The following CTNNA2 variants were observed in gnomAD, a reference collection of about 807,000 sequenced individuals.
CTNNA2 encodes catenin alpha-2.
In CTNNA2, 42 loss-of-function variants were observed where a neutral mutation model predicts 101.0. The ratio of observed to expected loss-of-function variants is 0.42; its 90% CI spans 0.32 to 0.54. CTNNA2 has a LOEUF of 0.54. CTNNA2 is among the 20% of genes least tolerant of loss of function. The probability of loss-of-function intolerance (pLI) is 0.14; values close to 1 mark genes in which losing one functional copy is unlikely to be tolerated. For missense variants in CTNNA2, 871 were observed against 1,223.1 expected (o/e 0.71, Z 4.29); for synonymous variants, 450 against 456.4 (o/e 0.99, Z 0.18).
At chr2:79,396,803 C>A (rs1419753313) in intron 4 of CTNNA2, among the ~76,000 whole-genome samples, 1 of 152,104 alleles carries the variant, frequency 6.6e-6, no homozygotes, top group Non-Finnish European at 1.5e-5. Flanking sequence ...TCAAAACAAG[C>A]CATTAAAATT....
At chr2:79,893,119 T>G (rs556908035) in intron 6 of CTNNA2, among the ~76,000 whole-genome samples, 2 of 152,234 alleles carry the variant, frequency 1.3e-5, no homozygotes, top group African/African-American at 4.8e-5. Flanking sequence ...TGATAGGTAG[T>G]AAAAAAATAT....
chr2:80,485,141 T>A (rs998803821), intron 9 of CTNNA2, among the ~76,000 whole-genome samples: 1 of 152,192 alleles, frequency 6.6e-6, no homozygotes, highest in Non-Finnish European at 1.5e-5. Flanking sequence ...GTCCTTTAAA[T>A]CAGGCAAAGA....
intron 1 of CTNNA2, among the ~76,000 whole-genome samples, chr2:79,549,963 G>A (rs1673988905): frequency 6.6e-6 from 1 of 152,090 alleles, no homozygotes; most frequent in African/African-American, 2.4e-5. Context: ...TTATATAAGG[G>A]CCAGTAAAAT....
chr2:80,355,193 C>T (rs61214691), intron 7 of CTNNA2, among the ~76,000 whole-genome samples: 10,323 of 152,148 alleles, frequency 0.068, 899 homozygotes, highest in African/African-American at 0.2. Context: ...TTAGTAATAT[C>T]ACTGTCCAGC....
chr2:79,583,589 T>G (rs987301647), intron 1 of CTNNA2, among the ~76,000 whole-genome samples: 6 of 152,154 alleles, frequency 3.9e-5, no homozygotes, highest in African/African-American at 1.4e-4. Flanking sequence ...TTTAGCCTTA[T>G]GCAAAACCAC....
intron 7 of CTNNA2, among the ~76,000 whole-genome samples, chr2:80,322,902 G>A (rs1031687060): frequency 2.0e-4 from 30 of 152,348 alleles, no homozygotes; most frequent in East Asian, 1.9e-3. Flanking sequence ...GCCTTCCCAT[G>A]CAGTTCCCTT....
intron 7 of CTNNA2, among the ~76,000 whole-genome samples, chr2:80,006,083 A>G (rs1471515104): frequency 6.6e-6 from 1 of 152,244 alleles, no homozygotes; most frequent in South Asian, 2.1e-4. Context: ...TTGTGAATAA[A>G]GTAGGTTTAG....
chr2:79,526,540 C>T (rs1672415075), intron 1 of CTNNA2, among the ~76,000 whole-genome samples: 1 of 151,462 alleles, frequency 6.6e-6, no homozygotes, highest in South Asian at 2.1e-4. Flanking sequence ...AAAAGGTGAA[C>T]AAAGTTGGAA....
intron 7 of CTNNA2, among the ~76,000 whole-genome samples, chr2:80,225,262 G>T (rs1708813316): frequency 6.6e-6 from 1 of 152,116 alleles, no homozygotes; most frequent in South Asian, 2.1e-4. Context: ...TATTGGAAAA[G>T]CAGAGCCCGA....
At chr2:79,533,836 A>C (rs1672894024) in intron 1 of CTNNA2, among the ~76,000 whole-genome samples, 1 of 152,200 alleles carries the variant, frequency 6.6e-6, no homozygotes, top group Non-Finnish European at 1.5e-5. Context: ...AAACACAATT[A>C]AACTACACTT....
At position 79,595,132 on chromosome 2, in the gene CTNNA2, C is replaced by T. The variant is rs1410243924; in HGVS notation, c.-5-56420C>T. Among the ~76,000 whole-genome samples, 4 of 152,296 alleles carry T rather than the reference C, an allele frequency of 2.6e-5. No homozygotes were observed. In the East Asian group the frequency reaches 5.8e-4, roughly 22 times the overall value. On this transcript the variant is annotated intron_variant, in intron 1 of 18. Transcript: ENST00000402739. ...TTCACAGTTAGCCAGTTTCGACTGT[C>T]ATAACATAAGCACTTGTGGTCAACC... is the stretch of plus-strand genomic sequence containing the variant.
At chr2:80,582,028 T>C (rs1054868994) in intron 14 of CTNNA2, among the ~76,000 whole-genome samples, 3 of 152,168 alleles carry the variant, frequency 2.0e-5, no homozygotes, top group African/African-American at 7.2e-5. Context: ...TCCTCTCTTT[T>C]GCTATCACTG....
chr2:80,619,036 C>CT, intron 17 of CTNNA2, 49 bp from the exon 18 acceptor site: 3 of 749,526 alleles, frequency 4.0e-6, no homozygotes, highest in Middle Eastern at 4.7e-4. Context: ...TTTTTTTTTT[C>CT]TTTTGCTCTC....
rs1267610455 is a variant in CTNNA2 at position 79,682,408 on chromosome 2, C to T, written c.102+30750C>T. Among the ~76,000 whole-genome samples, 4 of 59,768 alleles carry T rather than the reference C, an allele frequency of 6.7e-5. No individual in the cohort carries two copies. The East Asian group carries it at 2.3e-3, about 34-fold the overall frequency. 39.2% of individuals were successfully genotyped at this position (59,768 alleles called of 152,430 possible). The stretch of plus-strand genomic sequence containing the variant: ...CCTGGGTGACAGAGCGAAACTCCAT[C>T]TCAAAAAAAAAAAAAAAAAAAAAAG... On this transcript the variant is annotated intron_variant, in intron 2 of 18. Transcript: ENST00000402739.
chr2:79,240,215 C>CTT (rs112101652), intron 2 of CTNNA2, among the ~76,000 whole-genome samples: 2 of 142,710 alleles, frequency 1.4e-5, no homozygotes, highest in African/African-American at 5.1e-5. Flanking sequence ...GCACAGTTTT[C>CTT]TTTTTTTTTT....
intron 6 of CTNNA2, 76 bp downstream of exon 6, chr2:79,874,418 G>A (rs1682845098): frequency 2.2e-6 from 3 of 1,357,426 alleles, no homozygotes; most frequent in Non-Finnish European, 3.1e-6. Flanking sequence ...GAGGATGAAG[G>A]GCCACTACAA....
chr2:80,488,885 T>A lies in CTNNA2; in HGVS notation c.1291-56097T>A, dbSNP rs571821922. On this transcript the variant is annotated intron_variant, in intron 9 of 18. Coordinates refer to ENST00000402739, the MANE Select transcript of CTNNA2 (RefSeq NM_001282597.3). ...AGGAATCCAATTCACCATCACTCTC[T>A]CATACACACGTGCATGCACATACAC... 2.6e-5 allele frequency among the ~76,000 whole-genome samples: 4 copies of A among 152,268 alleles called. No individual in the cohort carries two copies. The South Asian group carries it at 6.2e-4, about 24-fold the overall frequency.
At chr2:80,598,512 C>T (rs1697186137) in intron 15 of CTNNA2, among the ~76,000 whole-genome samples, 1 of 152,032 alleles carries the variant, frequency 6.6e-6, no homozygotes, top group Admixed American at 6.6e-5. Context: ...CTACAGGACC[C>T]AGATATTTTG....
At chr2:79,986,868 A>C (rs901839408) in intron 7 of CTNNA2, among the ~76,000 whole-genome samples, 2 of 152,170 alleles carry the variant, frequency 1.3e-5, no homozygotes, top group African/African-American at 4.8e-5. Context: ...CTCTGTTTAC[A>C]TGTTGTCTTT....
Sources: allele counts gnomAD v4.1 joint callset (sites outside exome capture counted in the v4.1 genomes callset), GRCh38; gene constraint gnomAD v4.1.1; transcripts MANE v1.5; gene names NCBI Gene and HGNC (gene_info 2026-07-23, HGNC 2026-07-21).